The following TLL1 variants were observed in gnomAD, a reference collection of about 807,000 sequenced individuals.
TLL1 encodes the protein tolloid like 1.
TLL1 carries 49 observed loss-of-function variants against 128.2 expected under a neutral mutation model. That is an observed-to-expected ratio of 0.38 (90% confidence interval 0.30 to 0.48). TLL1 has a LOEUF of 0.48. Among genes scored for constraint, TLL1 ranks in the 20% least tolerant of loss-of-function variants. The pLI is 0.96. For missense variants in TLL1, 1,123 were observed against 1,242.0 expected (o/e 0.90, Z 1.44); for synonymous variants, 454 against 418.8 (o/e 1.08, Z -1.03).
chr4:166,069,501 C>T (rs1740715121), intron 16 of TLL1, among the ~76,000 whole-genome samples: 1 of 151,580 alleles, frequency 6.6e-6, no homozygotes, highest in Non-Finnish European at 1.5e-5. Context: ...CTCTAGCTTT[C>T]TTTCAGTTAA....
At chr4:166,086,596 AACCAG>A (rs966809342) in intron 18 of TLL1, among the ~76,000 whole-genome samples, 3 of 152,130 alleles carry the variant, frequency 2.0e-5, no homozygotes, top group African/African-American at 7.2e-5. Context: ...GTCTCAAAGG[AACCAG>A]ACTCTTTTCT....
chr4:165,982,145 G>A (rs1736176360), intron 1 of TLL1, among the ~76,000 whole-genome samples: 1 of 151,958 alleles, frequency 6.6e-6, no homozygotes. Flanking sequence ...AATTATGTCA[G>A]CAAGTTAATA....
At chr4:166,073,160 T>C (rs1167926758) in intron 16 of TLL1, among the ~76,000 whole-genome samples, 2 of 152,118 alleles carry the variant, frequency 1.3e-5, no homozygotes, top group Non-Finnish European at 2.9e-5. Flanking sequence ...AGCATCTTTC[T>C]GAAGCTTCGT....
At chr4:166,066,234 A>G (rs914715064) in intron 16 of TLL1, among the ~76,000 whole-genome samples, 3 of 151,464 alleles carry the variant, frequency 2.0e-5, no homozygotes, top group Non-Finnish European at 1.5e-5. Flanking sequence ...TAGCCTCATC[A>G]TTATAGAAAT....
chr4:165,988,158 T>C (rs749853213), intron 1 of TLL1, among the ~76,000 whole-genome samples: 1 of 152,116 alleles, frequency 6.6e-6, no homozygotes, highest in Non-Finnish European at 1.5e-5. Flanking sequence ...GTGTAGCTTG[T>C]ATTCAAATAA....
intron 19 of TLL1, among the ~76,000 whole-genome samples, chr4:166,098,739 G>T (rs747731367): frequency 6.6e-6 from 1 of 152,014 alleles, no homozygotes; most frequent in Non-Finnish European, 1.5e-5. Context: ...ACAAACACAC[G>T]CAGAGGAGTT....
At chr4:165,894,112 G>T (rs1731547857) in intron 1 of TLL1, among the ~76,000 whole-genome samples, 1 of 152,112 alleles carries the variant, frequency 6.6e-6, no homozygotes, top group Non-Finnish European at 1.5e-5. Context: ...ATAGATTGGA[G>T]CAGGGGAGGA....
intron 15 of TLL1, among the ~76,000 whole-genome samples, chr4:166,063,374 C>G (rs1181271412): frequency 6.6e-6 from 1 of 152,152 alleles, no homozygotes; most frequent in Non-Finnish European, 1.5e-5. Flanking sequence ...GAAATAGGAA[C>G]ACTTTTACAC....
intron 16 of TLL1, among the ~76,000 whole-genome samples, chr4:166,073,591 TTATGA>T (rs1371185592): frequency 6.6e-6 from 1 of 152,134 alleles, no homozygotes; most frequent in African/African-American, 2.4e-5. Flanking sequence ...AATACACTAA[TTATGA>T]TATATTCTTT....
chr4:166,093,586 T>C (rs1202658885), intron 19 of TLL1, among the ~76,000 whole-genome samples: 1 of 152,168 alleles, frequency 6.6e-6, no homozygotes, highest in Non-Finnish European at 1.5e-5. Flanking sequence ...GGCTTTCCTC[T>C]ATCTGAACTG....
intron 1 of TLL1, among the ~76,000 whole-genome samples, chr4:165,880,609 C>T (rs1730930029): frequency 6.6e-6 from 1 of 152,114 alleles, no homozygotes; most frequent in Non-Finnish European, 1.5e-5. Flanking sequence ...TTAAAAAAGA[C>T]TTCAACAGTT....
chr4:166,035,342 T>C (rs914915951), intron 9 of TLL1, among the ~76,000 whole-genome samples: 1 of 152,136 alleles, frequency 6.6e-6, no homozygotes, highest in Non-Finnish European at 1.5e-5. Flanking sequence ...TTTTTCAGGG[T>C]TTATATTGTG....
At chr4:165,972,236 A>G (rs1046215043) in intron 1 of TLL1, among the ~76,000 whole-genome samples, 2 of 152,222 alleles carry the variant, frequency 1.3e-5, no homozygotes, top group African/African-American at 4.8e-5. Context: ...TATTATTTCC[A>G]GAAAAGCCCA....
At chr4:166,026,997 G>A (rs1386675467) in intron 9 of TLL1, among the ~76,000 whole-genome samples, 2 of 152,078 alleles carry the variant, frequency 1.3e-5, no homozygotes, top group African/African-American at 4.8e-5. Context: ...CTAGATGCCC[G>A]TCGATGGTGG....
At chr4:166,088,726 A>T (rs1373854224) in intron 18 of TLL1, among the ~76,000 whole-genome samples, 1 of 152,126 alleles carries the variant, frequency 6.6e-6, no homozygotes, top group Non-Finnish European at 1.5e-5. Flanking sequence ...ACTCAGTCTG[A>T]TTCCACCAGT....
chr4:166,044,275 C>A, intron 12 of TLL1: 2 of 1,052,818 alleles, frequency 1.9e-6, no homozygotes, highest in Non-Finnish European at 2.8e-6. Flanking sequence ...TAGTCATGAG[C>A]CCTACTACCC....
intron 19 of TLL1, among the ~76,000 whole-genome samples, chr4:166,095,001 A>G (rs1299456350): frequency 3.9e-5 from 6 of 152,164 alleles, no homozygotes; most frequent in Non-Finnish European, 8.8e-5. Context: ...TCTGCTGACA[A>G]GACAGCCAAG....
chr4:166,069,316 G>C (rs759937612), intron 16 of TLL1, among the ~76,000 whole-genome samples: 1 of 151,608 alleles, frequency 6.6e-6, no homozygotes, highest in African/African-American at 2.4e-5. Flanking sequence ...AAAAATTTCC[G>C]AAGTGGTTGT....
chr4:165,920,981 A>G (rs1445830757), intron 1 of TLL1, among the ~76,000 whole-genome samples: 1 of 152,216 alleles, frequency 6.6e-6, no homozygotes, highest in Non-Finnish European at 1.5e-5. Flanking sequence ...TCCTTAATTG[A>G]GTCTATCCTG....
Sources: gnomAD v4.1 joint callset for allele counts (sites outside exome capture counted in the v4.1 genomes callset) on GRCh38, gnomAD v4.1.1 for gene constraint, MANE v1.5 for transcripts, NCBI Gene and HGNC (gene_info 2026-07-23, HGNC 2026-07-21) for gene names.